The following LYPD6B variants were observed in gnomAD, a reference collection of about 807,000 sequenced individuals.
LYPD6B encodes ly6/PLAUR domain-containing protein 6B.
In LYPD6B, 17 loss-of-function variants were observed where a neutral mutation model predicts 22.8. That is an observed-to-expected ratio of 0.75 (90% CI 0.51 to 1.12). The LOEUF is 1.12. LYPD6B is among the 50% of genes most tolerant of loss of function. LYPD6B has a pLI of 0.00. For missense variants in LYPD6B, 221 were observed against 258.3 expected, an observed-to-expected ratio of 0.86 and a Z score of 0.99; for synonymous variants, 106 against 91.6, an observed-to-expected ratio of 1.16 and a Z score of -0.90.
At chr2:149,186,731 A>C (rs1308999765) in intron 3 of LYPD6B, among the ~76,000 whole-genome samples, 1 of 152,198 alleles carries the variant, frequency 6.6e-6, no homozygotes, top group Admixed American at 6.5e-5. Flanking sequence ...CAGCCTCCTG[A>C]GTAGCTAGGA....
At chr2:149,185,794 T>C (rs1692058047) in intron 3 of LYPD6B, among the ~76,000 whole-genome samples, 1 of 152,260 alleles carries the variant, frequency 6.6e-6, no homozygotes, top group African/African-American at 2.4e-5. Flanking sequence ...CACATTTTGG[T>C]ACTTCTCACA....
chr2:149,212,165 C>G (rs1693895625), intron 5 of LYPD6B, among the ~76,000 whole-genome samples: 1 of 151,200 alleles, frequency 6.6e-6, no homozygotes, highest in Non-Finnish European at 1.5e-5. Flanking sequence ...ATCATGAGGT[C>G]AGGAGATCGA....
At chr2:149,173,635 C>CA (rs1419939831) in intron 3 of LYPD6B, among the ~76,000 whole-genome samples, 2 of 152,016 alleles carry the variant, frequency 1.3e-5, no homozygotes, top group Non-Finnish European at 2.9e-5. Context: ...ATTGCTTTGC[C>CA]AAAATCTAGG....
chr2:149,052,295 T>G (rs963373683), intron 1 of LYPD6B, among the ~76,000 whole-genome samples: 2 of 152,098 alleles, frequency 1.3e-5, no homozygotes, highest in African/African-American at 4.8e-5. Flanking sequence ...GACCTCATGA[T>G]CCGCCCGCCT....
chr2:149,055,192 A>G (rs895815930), intron 1 of LYPD6B, among the ~76,000 whole-genome samples: 1 of 152,234 alleles, frequency 6.6e-6, no homozygotes, highest in African/African-American at 2.4e-5. Flanking sequence ...GTCAAAAGTC[A>G]ACTGACCATA....
intron 1 of LYPD6B, among the ~76,000 whole-genome samples, chr2:149,080,216 C>T (rs1377149855): frequency 6.6e-6 from 1 of 152,198 alleles, no homozygotes; most frequent in Non-Finnish European, 1.5e-5. Context: ...TCTGGTACTT[C>T]CTATGCTTGT....
At chr2:149,137,269 T>G (rs1357439853) in intron 2 of LYPD6B, among the ~76,000 whole-genome samples, 1 of 152,196 alleles carries the variant, frequency 6.6e-6, no homozygotes. Flanking sequence ...TTGAATCCAC[T>G]TAAGTGTGTT....
intron 3 of LYPD6B, among the ~76,000 whole-genome samples, chr2:149,176,701 G>T (rs947401768): frequency 6.6e-6 from 1 of 152,072 alleles, no homozygotes; most frequent in Non-Finnish European, 1.5e-5. Flanking sequence ...CTTTGGTGGG[G>T]CCTTCAGGCT....
In LYPD6B at chr2:149,214,889, G is replaced by A. The variant is rs1049684517; in HGVS notation, c.*179G>A. On this transcript the variant is annotated 3_prime_UTR_variant, in exon 7 of 7. Coordinates refer to ENST00000409642, the MANE Select transcript of LYPD6B (RefSeq NM_177964.5). ...TGTTCCCGCATGAGGCCACAGGACT[G>A]AGGATGGGAATTTGGCAGGGCCTGA... The A allele has an allele frequency of 3.0e-6, 2 of 660,668 alleles. No homozygotes were observed. Among genetic ancestry groups the A allele is most frequent in the African/African-American group, 3.6e-5 (2 of 55,470 alleles). 40.9% of individuals were successfully genotyped at this position (660,668 alleles called of 1,614,324 possible).
chr2:149,073,765 A>C (rs1015621050), intron 1 of LYPD6B, among the ~76,000 whole-genome samples: 19 of 151,978 alleles, frequency 1.3e-4, no homozygotes, highest in Admixed American at 9.8e-4. Flanking sequence ...TGATGCACTC[A>C]GATTCTCTCC....
intron 2 of LYPD6B, among the ~76,000 whole-genome samples, chr2:149,146,086 G>A (rs1689002087): frequency 6.6e-6 from 1 of 152,202 alleles, no homozygotes; most frequent in African/African-American, 2.4e-5. Flanking sequence ...CTTCTATTCT[G>A]TGCCAATGAC....
chr2:149,171,424 G>A (rs904224711), intron 3 of LYPD6B, among the ~76,000 whole-genome samples: 1 of 151,884 alleles, frequency 6.6e-6, no homozygotes, highest in Non-Finnish European at 1.5e-5. Context: ...CATTTCATCA[G>A]TATCTGGGTC....
At chr2:149,041,755 A>G (rs1009488147) in intron 1 of LYPD6B, among the ~76,000 whole-genome samples, 2 of 152,172 alleles carry the variant, frequency 1.3e-5, no homozygotes, top group African/African-American at 4.8e-5. Context: ...CTGAGGTTGG[A>G]AAAGTAAGTA....
intron 2 of LYPD6B, among the ~76,000 whole-genome samples, chr2:149,139,767 CTTGT>C (rs1688578534): frequency 6.6e-6 from 1 of 152,108 alleles, no homozygotes; most frequent in Admixed American, 6.5e-5. Flanking sequence ...AAGAAGAGAA[CTTGT>C]TTATCTTAGA....
intron 2 of LYPD6B, among the ~76,000 whole-genome samples, chr2:149,147,808 C>G (rs978488807): frequency 6.6e-6 from 1 of 151,994 alleles, no homozygotes; most frequent in African/African-American, 2.4e-5. Flanking sequence ...GCCACTGCGC[C>G]CAGCCTTGTG....
At chr2:149,131,302 A>G (rs1192540574) in intron 2 of LYPD6B, 1 of 237,304 alleles carries the variant, frequency 4.2e-6, no homozygotes, top group Admixed American at 5.6e-5. Context: ...AGTGCTTCAG[A>G]TGGCTTTGAG....
At chr2:149,131,721 C>G (rs1381323467) in intron 2 of LYPD6B, 1 of 152,204 alleles carries the variant, frequency 6.6e-6, no homozygotes, top group Non-Finnish European at 1.5e-5. Flanking sequence ...GAAAAGCTGT[C>G]AGATCCCTTC....
intron 1 of LYPD6B, among the ~76,000 whole-genome samples, chr2:149,090,132 G>T (rs1013104675): frequency 6.6e-6 from 1 of 152,128 alleles, no homozygotes; most frequent in Non-Finnish European, 1.5e-5. Flanking sequence ...TTACTTTACT[G>T]CAGTGAGGAT....
At chr2:149,173,010 A>G (rs1332496294) in intron 3 of LYPD6B, among the ~76,000 whole-genome samples, 1 of 151,640 alleles carries the variant, frequency 6.6e-6, no homozygotes, top group Non-Finnish European at 1.5e-5. Flanking sequence ...GCTTATATAT[A>G]TGTGTGTGTA....
Sources: allele counts gnomAD v4.1 joint callset (sites outside exome capture counted in the v4.1 genomes callset), GRCh38; gene constraint gnomAD v4.1.1; transcripts MANE v1.5; gene names NCBI Gene and HGNC (gene_info 2026-07-23, HGNC 2026-07-21).